ANXA10: variants seen among roughly 807,000 people sequenced by gnomAD.
ANXA10 encodes the protein annexin 14.
In ANXA10, 49 loss-of-function variants were observed where a neutral mutation model predicts 53.5. The observed-to-expected ratio is 0.92, with a 90% CI of 0.73 to 1.16. The LOEUF (loss-of-function observed/expected upper bound fraction) is 1.16. Ranked by LOEUF, ANXA10 falls within the 50% of genes most tolerant of loss-of-function variation. ANXA10 has a pLI of 0.00. For synonymous variants in ANXA10, 131 were observed against 128.9 expected, an observed-to-expected ratio of 1.02 and a Z score of -0.11; for missense variants, 393 against 394.4, an observed-to-expected ratio of 1.00 and a Z score of 0.03.
intron 1 of ANXA10, among the ~76,000 whole-genome samples, chr4:168,125,667 C>G (rs969421113): frequency 1.3e-5 from 2 of 152,098 alleles, no homozygotes; most frequent in African/African-American, 4.8e-5. Context: ...ACGTGCAAAA[C>G]AAGTGTTTTC....
At chr4:168,115,165 G>A (rs1730872628) in intron 1 of ANXA10, among the ~76,000 whole-genome samples, 3 of 152,130 alleles carry the variant, frequency 2.0e-5, no homozygotes, top group Admixed American at 6.5e-5. Flanking sequence ...TTTCAGACAT[G>A]AGTCACTGTG....
chr4:168,181,302 A>G lies in ANXA10; in HGVS notation c.725-381A>G, dbSNP rs1192722133. Among the ~76,000 whole-genome samples, 7 of 150,602 alleles carry G rather than the reference A, an allele frequency of 4.6e-5. No homozygotes were observed. In the Admixed American group the frequency reaches 4.7e-4, roughly 10 times the overall value. ...GCTACTCGGGAGGCTGAGGCAGGAG[A>G]ATGGCGTGAACCCGGGAGGCGGAGC... On this transcript the variant is annotated intron_variant, in intron 9 of 11. Transcript: ENST00000359299.
chr4:168,163,910 ATG>A (rs1731828332), intron 4 of ANXA10, among the ~76,000 whole-genome samples: 1 of 152,228 alleles, frequency 6.6e-6, no homozygotes, highest in Non-Finnish European at 1.5e-5. Context: ...GCTCAATGCC[ATG>A]AGCATTGCTT....
At chr4:168,182,680 A>G (rs1732278045) in intron 10 of ANXA10, among the ~76,000 whole-genome samples, 1 of 150,490 alleles carries the variant, frequency 6.6e-6, no homozygotes, top group Non-Finnish European at 1.5e-5. Context: ...GCATCATCAC[A>G]TAATGCACTC....
At position 168,162,538 on chromosome 4, in the gene ANXA10, G is replaced by C; in HGVS notation, c.206G>C (p.Gly69Ala). The C allele has an allele frequency of 6.2e-7, 1 of 1,613,486 alleles. No homozygotes were observed. Among genetic ancestry groups the C allele is most frequent in the Non-Finnish European group, 8.5e-7 (1 of 1,179,586 alleles). ...CTTTTTCCTCCACAGGACCTGATTG[G>C]GGATATGAGGGAGCAGCTTTCGGAT... The part of the protein sequence containing the change: ...YQSMYGRDLI[G>A]DMREQLSDHF... Residue 69 changes from glycine to alanine, a missense_variant, in exon 4 of 12, where the codon GGG becomes GCG. Gly to Ala is a moderately conservative substitution (Grantham distance 60). Coordinates refer to ENST00000359299, the MANE Select transcript of ANXA10 (RefSeq NM_007193.5).
intron 3 of ANXA10, among the ~76,000 whole-genome samples, chr4:168,143,396 GA>G (rs1411797016): frequency 6.6e-6 from 1 of 152,194 alleles, no homozygotes; most frequent in East Asian, 1.9e-4. Flanking sequence ...CAGGCTCCAT[GA>G]ACACTTCTTA....
intron 3 of ANXA10, among the ~76,000 whole-genome samples, chr4:168,146,205 G>A (rs1032203436): frequency 6.6e-6 from 1 of 152,106 alleles, no homozygotes; most frequent in Non-Finnish European, 1.5e-5. Context: ...CACCATGCCT[G>A]GCCTTGAGTG....
At chr4:168,169,741 C>T (rs1731947659) in intron 6 of ANXA10, among the ~76,000 whole-genome samples, 1 of 152,198 alleles carries the variant, frequency 6.6e-6, no homozygotes, top group Non-Finnish European at 1.5e-5. Flanking sequence ...AATTGTACTG[C>T]TCCTATCTCC....
At chr4:168,096,924 A>ATG (rs1730556501) in intron 1 of ANXA10, among the ~76,000 whole-genome samples, 3 of 144,544 alleles carry the variant, frequency 2.1e-5, no homozygotes, top group African/African-American at 5.2e-5. Context: ...ATATATATAT[A>ATG]TATATGTATG....
At chr4:168,101,491 G>GT (rs199505813) in intron 1 of ANXA10, among the ~76,000 whole-genome samples, 2,223 of 129,288 alleles carry the variant, frequency 0.017, 26 homozygotes, top group Middle Eastern at 0.038. Context: ...TTTTCTTTGT[G>GT]TTTTTTTTGG....
At chr4:168,102,822 C>G (rs1023828135) in intron 1 of ANXA10, among the ~76,000 whole-genome samples, 2 of 152,136 alleles carry the variant, frequency 1.3e-5, no homozygotes, top group East Asian at 1.9e-4. Flanking sequence ...GTACGTTTAG[C>G]TTTAGAAAAA....
In ANXA10 at chr4:168,128,118, A is replaced by G; in HGVS notation, c.53A>G (p.Asn18Ser). ...ACCATCTTCCCAGCTCCCAATTTCA[A>G]TCCCATAATGGATGCCCAAATGCTA... ...QGTIFPAPNF[N>S]PIMDAQMLGG... Residue 18 changes from asparagine (N) to serine (S), a missense_variant, in exon 2 of 12, where the codon AAT (asparagine) becomes AGT (serine). Transcript: ENST00000359299. 1 of 1,613,502 alleles carries G rather than the reference A, an allele frequency of 6.2e-7. No homozygotes were observed. Among genetic ancestry groups the G allele is most frequent in the Non-Finnish European group, 8.5e-7 (1 of 1,179,740 alleles).
At chr4:168,127,234 C>T (rs925801543) in intron 1 of ANXA10, among the ~76,000 whole-genome samples, 1 of 152,078 alleles carries the variant, frequency 6.6e-6, no homozygotes, top group African/African-American at 2.4e-5. Context: ...CACAAGCCTG[C>T]TTTAAATGTT....
chr4:168,138,233 T>G (rs550233939), intron 2 of ANXA10, among the ~76,000 whole-genome samples: 1 of 152,244 alleles, frequency 6.6e-6, no homozygotes, highest in East Asian at 1.9e-4. Flanking sequence ...AGTGCTGGGA[T>G]TACAGGCATG....
intron 1 of ANXA10, among the ~76,000 whole-genome samples, chr4:168,120,040 A>G (rs549624238): frequency 1.3e-3 from 202 of 152,174 alleles, no homozygotes; most frequent in Non-Finnish European, 2.0e-3. Context: ...AGCTTTAAGG[A>G]TGAAATACAA....
At position 168,115,647 on chromosome 4, in the gene ANXA10, GA is replaced by G. The variant is rs550434091; in HGVS notation, c.19-12429del. Among the ~76,000 whole-genome samples the G allele has an allele frequency of 4.6e-5, 7 of 151,252 alleles. No individual in the cohort carries two copies. In the East Asian group the frequency reaches 9.7e-4, roughly 21 times the overall value. On this transcript the variant is annotated intron_variant, in intron 1 of 11. Coordinates refer to ENST00000359299, the MANE Select transcript of ANXA10 (RefSeq NM_007193.5). ...TGGAAACGTTTTTGTTCACATAAGT[GA>G]AAAAAAAGTCTTAATAGTATATGTT... is the stretch of plus-strand genomic sequence containing the variant.
At chr4:168,156,513 G>T (rs985843288) in intron 3 of ANXA10, among the ~76,000 whole-genome samples, 3 of 143,074 alleles carry the variant, frequency 2.1e-5, no homozygotes, top group Non-Finnish European at 4.5e-5. Context: ...GTTTTGTTTT[G>T]TTTTTTTGAG....
intron 3 of ANXA10, among the ~76,000 whole-genome samples, chr4:168,151,594 G>C (rs928625304): frequency 2.6e-5 from 4 of 152,042 alleles, no homozygotes; most frequent in Admixed American, 2.0e-4. Context: ...GTCCAGCTGG[G>C]GAAAGTCACG....
At chr4:168,160,238 A>AGT (rs1468951607) in intron 3 of ANXA10, among the ~76,000 whole-genome samples, 1 of 151,890 alleles carries the variant, frequency 6.6e-6, no homozygotes, top group East Asian at 1.9e-4. Flanking sequence ...CAACAGGCCC[A>AGT]GTGTGTGTTG....
Sources: allele counts gnomAD v4.1 joint callset (sites outside exome capture counted in the v4.1 genomes callset), GRCh38; gene constraint gnomAD v4.1.1; transcripts MANE v1.5; gene names NCBI Gene and HGNC (gene_info 2026-07-23, HGNC 2026-07-21).